ADGRG5: variants seen among roughly 807,000 people sequenced by gnomAD.
ADGRG5 encodes the protein adhesion G protein-coupled receptor G5, also known as G protein-coupled receptor 114.
In ADGRG5, 37 loss-of-function variants were observed where a neutral mutation model predicts 53.2. The ratio of observed to expected loss-of-function variants is 0.70; its 90% CI spans 0.53 to 0.91. The LOEUF (loss-of-function observed/expected upper bound fraction) is 0.91, where lower values mean the gene tolerates loss of function less well. Among genes scored for constraint, ADGRG5 ranks in the 40% least tolerant of loss-of-function variants. The pLI is 0.00. For synonymous variants in ADGRG5, 277 were observed against 290.4 expected (o/e 0.95, Z 0.47); for missense variants, 614 against 675.8 (o/e 0.91, Z 1.01).
At chr16:57,537,148 G>A in the ADGRG5 span, among the ~76,000 whole-genome samples, 1 of 152,212 alleles carries the variant, frequency 6.6e-6, no homozygotes, top group Non-Finnish European at 1.5e-5. Flanking sequence ...CATTGCGATG[G>A]TGGTTGGCAG....
At chr16:57,567,730 G>A (rs995937815) in intron 8 of ADGRG5, 126 bp from the exon 9 acceptor site, 40 of 1,408,004 alleles carry the variant, frequency 2.8e-5, no homozygotes, top group African/African-American at 8.5e-5. Flanking sequence ...CTTGTGGTGC[G>A]ACTGCTGTGG....
At chr16:57,568,705 A>G (rs1265972247) in intron 9 of ADGRG5, among the ~76,000 whole-genome samples, 2 of 149,068 alleles carry the variant, frequency 1.3e-5, no homozygotes, top group African/African-American at 5.0e-5. Flanking sequence ...CACCTCCATC[A>G]TCACCTCCTC....
At chr16:57,575,254 G>T (rs1336407095) in intron 11 of ADGRG5, among the ~76,000 whole-genome samples, 162 bp downstream of exon 11, 1 of 152,124 alleles carries the variant, frequency 6.6e-6, no homozygotes, top group African/African-American at 2.4e-5. Flanking sequence ...CTGCATGAAG[G>T]TACCCTATGG....
Position 57,574,467 on chromosome 16 carries a change from A to C in ADGRG5, c.1209-348A>C, listed in dbSNP as rs2033455632. On this transcript the variant is annotated intron_variant, in intron 10 of 11. Transcript: ENST00000349457. The surrounding 1 kb of genome is among the most constrained non-coding windows in gnomAD (Gnocchi z 4.4). The stretch of plus-strand genomic sequence containing the variant: ...GGGCTCCGGGCCAAGGATCCAATAG[A>C]AGATGGGGCATGCCGGCCTTGGGCT... 6.6e-6 allele frequency among the ~76,000 whole-genome samples: 1 copy of C among 152,176 alleles called. No homozygotes were observed. The highest frequency in any genetic ancestry group is 2.4e-5 in the African/African-American group (1 of 41,424).
Position 57,575,504 on chromosome 16 carries a change from T to G in ADGRG5, c.1553T>G (p.Ile518Arg). The change falls in exon 12 of 12, where the codon ATA becomes AGA. Residue 518 changes from isoleucine to arginine, a missense_variant. Transcript: ENST00000349457. ...TCAGAAGCAGAGGCCAAGGCACAGA[T>G]AGAGGCCTTCAGCTCCTCCCAAACA... The part of the protein sequence containing the change: ...CRSEAEAKAQ[I>R]EAFSSSQTTQ The G allele has an allele frequency of 2.5e-6, 4 of 1,614,174 alleles. No individual in the cohort carries two copies. Among genetic ancestry groups the G allele is most frequent in the Non-Finnish European group, 3.4e-6 (4 of 1,179,978 alleles).
chr16:57,558,319 C>T (rs1454933242), intron 1 of ADGRG5, among the ~76,000 whole-genome samples: 1 of 152,206 alleles, frequency 6.6e-6, no homozygotes, highest in Non-Finnish European at 1.5e-5. Flanking sequence ...CTACAGGCTC[C>T]AAATTTCTCC....
At chr16:57,565,207 G>C in intron 6 of ADGRG5, 57 bp downstream of exon 6, 1 of 1,026,542 alleles carries the variant, frequency 9.7e-7, no homozygotes. Flanking sequence ...TGACTCTCCT[G>C]TTGAACACTG....
At chr16:57,563,270 G>A in intron 4 of ADGRG5, 23 bp downstream of exon 4, 1 of 1,610,140 alleles carries the variant, frequency 6.2e-7, no homozygotes, top group Non-Finnish European at 8.5e-7. Flanking sequence ...GGGTTGGGGG[G>A]TGTGGCCAGC....
At position 57,565,056 on chromosome 16, in the gene ADGRG5, T is replaced by G. The variant is rs750882461; in HGVS notation, c.452T>G (p.Leu151Arg). The change falls in exon 6 of 12, where the codon CTG (leucine) becomes CGG (arginine). Residue 151 changes from leucine to arginine, a missense_variant. By Grantham distance (102) the Leu-to-Arg change is moderately radical. Transcript: ENST00000349457. ...CAGGATGAAAACAACTCATCTCTGC[T>G]GAATAACTACGTCCTGGGGGCCCAG... is the stretch of plus-strand genomic sequence containing the variant. ...FFKDENNSSL[L>R]NNYVLGAQLS... 3 of 1,613,510 alleles carry G rather than the reference T, an allele frequency of 1.9e-6. No individual in the cohort carries two copies. Among genetic ancestry groups the G allele is most frequent in the Non-Finnish European group, 2.5e-6 (3 of 1,179,456 alleles).
chr16:57,549,661 C>A (rs1427119975), intron 1 of ADGRG5, among the ~76,000 whole-genome samples: 1 of 152,136 alleles, frequency 6.6e-6, no homozygotes, highest in East Asian at 1.9e-4. Flanking sequence ...ATATTACAAT[C>A]AAAATATAGA....
At position 57,567,461 on chromosome 16, in the gene ADGRG5, C is replaced by G. The variant is rs769156908; in HGVS notation, c.700-9C>G. 1 of 1,606,172 alleles carries G rather than the reference C, an allele frequency of 6.2e-7. No homozygotes were observed. Among genetic ancestry groups the G allele is most frequent in the African/African-American group, 1.3e-5 (1 of 74,902 alleles). ...GCTTCTGGCCTCCAGCCCCTCTTCC[C>G]TCCTGCAGCAACTCTCCCCAGCCCT... On this transcript the variant is annotated splice_polypyrimidine_tract_variant and intron_variant, in intron 7 of 11. Transcript: ENST00000349457.
At chr16:57,544,633 T>A (rs1300134527) in intron 1 of ADGRG5, among the ~76,000 whole-genome samples, 1 of 152,160 alleles carries the variant, frequency 6.6e-6, no homozygotes, top group African/African-American at 2.4e-5. Context: ...GGCCTCAGTT[T>A]CACCAACAGT....
chr16:57,562,826 G>A (rs1487516334), intron 3 of ADGRG5, among the ~76,000 whole-genome samples: 1 of 152,166 alleles, frequency 6.6e-6, no homozygotes, highest in East Asian at 1.9e-4. Flanking sequence ...AGTGGCTACT[G>A]GGAAGCTGTG....
the ADGRG5 span, among the ~76,000 whole-genome samples, chr16:57,532,023 T>C: frequency 6.6e-6 from 1 of 152,206 alleles, no homozygotes; most frequent in Non-Finnish European, 1.5e-5. Flanking sequence ...GCCTTTACCA[T>C]GCATGAGGTC....
rs189352233 is a variant in ADGRG5 at position 57,562,885 on chromosome 16, A to C, written c.141-206A>C. On this transcript the variant is annotated intron_variant, in intron 3 of 11. Coordinates refer to ENST00000349457, the MANE Select transcript of ADGRG5 (RefSeq NM_001304376.3). ...CTGGAGGAGGTGACAATAAACTGGGACCTGAACAGGAGTTAATCAAGAGGA... is the reference window on the plus strand; with the variant it reads ...CTGGAGGAGGTGACAATAAACTGGGCCCTGAACAGGAGTTAATCAAGAGGA... 1.2e-4 allele frequency among the ~76,000 whole-genome samples: 18 copies of C among 152,172 alleles called. No homozygotes were observed. The East Asian group carries it at 1.4e-3, about 11-fold the overall frequency.
chr16:57,561,027 C>T (rs2032988539), intron 1 of ADGRG5, among the ~76,000 whole-genome samples: 1 of 152,230 alleles, frequency 6.6e-6, no homozygotes, highest in Non-Finnish European at 1.5e-5. Flanking sequence ...GATCCTCCTG[C>T]CTTGGCCTCC....
upstream of ADGRG5, among the ~76,000 whole-genome samples, chr16:57,540,749 G>C (rs2032477506): frequency 6.6e-6 from 1 of 152,120 alleles, no homozygotes; most frequent in Non-Finnish European, 1.5e-5. Flanking sequence ...GTTGGACGGG[G>C]TTAGACTGTG....
At chr16:57,537,604 T>G in the ADGRG5 span, among the ~76,000 whole-genome samples, 1 of 152,168 alleles carries the variant, frequency 6.6e-6, no homozygotes, top group Non-Finnish European at 1.5e-5. Flanking sequence ...TGCAAAAATA[T>G]TTGAGAGCTT....
At chr16:57,537,497 C>G in the ADGRG5 span, among the ~76,000 whole-genome samples, 10 of 152,312 alleles carry the variant, frequency 6.6e-5, no homozygotes, top group Non-Finnish European at 1.3e-4. Context: ...AAGAATGAAT[C>G]AGATGTTAAC....
Sources: gnomAD v4.1 joint callset for allele counts (sites outside exome capture counted in the v4.1 genomes callset) on GRCh38, gnomAD v4.1.1 for gene constraint, Gnocchi (gnomAD v3.1) non-coding constraint, MANE v1.5 for transcripts, NCBI Gene and HGNC (gene_info 2026-07-23, HGNC 2026-07-21) for gene names.